Variants in RIN2 observed in about 807,000 individuals in gnomAD.
RIN2 encodes the protein Ras and Rab interactor 2.
RIN2 carries 36 observed loss-of-function variants against 78.0 expected under a neutral mutation model. That is an observed-to-expected ratio of 0.46 (90% CI 0.35 to 0.61). RIN2 has a LOEUF of 0.61. Ranked by LOEUF, RIN2 falls within the 20% of genes least tolerant of loss-of-function variation. The pLI is 0.00. For missense variants in RIN2, 1,087 were observed against 1,159.7 expected (o/e 0.94, Z 0.91); for synonymous variants, 466 against 466.8 (o/e 1.00, Z 0.02).
chr20:19,805,694 G>A (rs966119978), intron 2 of RIN2, among the ~76,000 whole-genome samples: 5 of 152,144 alleles, frequency 3.3e-5, no homozygotes, highest in African/African-American at 7.2e-5. Flanking sequence ...GAGCCACTGC[G>A]CCTGGCCCAA....
At chr20:19,930,186 G>T (rs2040388009) in intron 3 of RIN2, among the ~76,000 whole-genome samples, 1 of 152,188 alleles carries the variant, frequency 6.6e-6, no homozygotes, top group African/African-American at 2.4e-5. Context: ...CTCTGTGCTT[G>T]TCCACCCTCG....
chr20:19,814,389 C>T (rs1342020996), intron 2 of RIN2, among the ~76,000 whole-genome samples: 2 of 151,978 alleles, frequency 1.3e-5, no homozygotes. Flanking sequence ...ACCCCCTCCC[C>T]AGTGCTTCCA....
Position 19,975,818 on chromosome 20 carries a change from C to A in RIN2, c.1762+31C>A. The A allele has an allele frequency of 6.4e-7, 1 of 1,554,992 alleles. No homozygotes were observed. The highest frequency in any genetic ancestry group is 2.4e-5 in the East Asian group (1 of 41,576). On this transcript the variant is annotated intron_variant, in intron 9 of 12. Transcript: ENST00000255006. The surrounding 1 kb of genome is among the most constrained non-coding windows in gnomAD (Gnocchi z 4.9). ...TACCCTCTTTTTTAAAATATAAAAT[C>A]TATTGTAACTCTGTCCGGGCAGTGC...
chr20:19,967,847 G>T (rs573238009), intron 7 of RIN2, among the ~76,000 whole-genome samples: 1 of 152,228 alleles, frequency 6.6e-6, no homozygotes, highest in Non-Finnish European at 1.5e-5. Context: ...AATTTTAGGG[G>T]TCTTCTATAT....
At chr20:19,760,427 G>A (rs1328260510) in intron 1 of RIN2, among the ~76,000 whole-genome samples, 5 of 152,098 alleles carry the variant, frequency 3.3e-5, no homozygotes, top group African/African-American at 1.2e-4. Context: ...AGGGCAGGTG[G>A]GAGGGAGCTT....
At chr20:19,822,662 A>G (rs1328102045) in intron 2 of RIN2, among the ~76,000 whole-genome samples, 1 of 150,572 alleles carries the variant, frequency 6.6e-6, no homozygotes, top group East Asian at 1.9e-4. Flanking sequence ...ACACACACAC[A>G]CACACCCACA....
chr20:19,876,928 A>C (rs1465660078), intron 2 of RIN2, among the ~76,000 whole-genome samples: 1 of 151,812 alleles, frequency 6.6e-6, no homozygotes. Context: ...AAACAAACAA[A>C]CAAAAAAAAC....
intron 3 of RIN2, among the ~76,000 whole-genome samples, chr20:19,932,042 G>T (rs913311435): frequency 3.9e-5 from 6 of 152,174 alleles, no homozygotes; most frequent in Non-Finnish European, 2.9e-5. Flanking sequence ...TGTAAGAGGT[G>T]CCATGGTTTG....
At chr20:19,767,569 G>A (rs1245811223) in intron 1 of RIN2, among the ~76,000 whole-genome samples, 6 of 152,062 alleles carry the variant, frequency 3.9e-5, no homozygotes. Context: ...TGCTTCTGAG[G>A]CCCTCATTTT....
intron 2 of RIN2, among the ~76,000 whole-genome samples, chr20:19,882,851 C>T (rs1391527127): frequency 6.6e-6 from 1 of 151,744 alleles, no homozygotes. Context: ...GAAAAAAACG[C>T]ACAAGTTGTG....
chr20:19,891,930 T>C (rs1463624682), intron 3 of RIN2, among the ~76,000 whole-genome samples: 1 of 152,272 alleles, frequency 6.6e-6, no homozygotes, highest in Non-Finnish European at 1.5e-5. Flanking sequence ...ATCAAGTCCA[T>C]TGTAGCCAGT....
intron 8 of RIN2, among the ~76,000 whole-genome samples, chr20:19,972,829 TA>T (rs1330276718): frequency 1.3e-5 from 2 of 152,228 alleles, no homozygotes; most frequent in African/African-American, 4.8e-5. Flanking sequence ...CTGTCCTGGG[TA>T]ATAGAAACAT....
At chr20:19,811,663 G>A (rs2035604057) in intron 2 of RIN2, among the ~76,000 whole-genome samples, 1 of 152,170 alleles carries the variant, frequency 6.6e-6, no homozygotes, top group African/African-American at 2.4e-5. Flanking sequence ...TCTGAATGGA[G>A]AAATGAGATC....
chr20:19,885,963 C>T (rs924415001), intron 2 of RIN2, among the ~76,000 whole-genome samples: 9 of 110,374 alleles, frequency 8.2e-5, no homozygotes, highest in African/African-American at 1.4e-4. Context: ...AGGAGAGGAG[C>T]GGAGGGGATG....
At chr20:19,987,912 C>A (rs887400333) in intron 9 of RIN2, among the ~76,000 whole-genome samples, 7 of 152,078 alleles carry the variant, frequency 4.6e-5, no homozygotes, top group Non-Finnish European at 1.0e-4. Flanking sequence ...AAGAAAAAAA[C>A]AACTTGGGCT....
At chr20:19,937,090 C>T (rs1199285707) in intron 4 of RIN2, among the ~76,000 whole-genome samples, 2 of 152,230 alleles carry the variant, frequency 1.3e-5, no homozygotes, top group Non-Finnish European at 2.9e-5. Flanking sequence ...GAAAAAGCTA[C>T]ACAGTTTTGG....
At chr20:19,942,663 A>G (rs1427779472) in intron 4 of RIN2, among the ~76,000 whole-genome samples, 2 of 152,200 alleles carry the variant, frequency 1.3e-5, no homozygotes, top group African/African-American at 4.8e-5. Flanking sequence ...TTTAAATGGT[A>G]GATCATGCAT....
intron 2 of RIN2, among the ~76,000 whole-genome samples, chr20:19,843,586 T>A (rs1419112878): frequency 1.3e-5 from 2 of 152,046 alleles, no homozygotes; most frequent in Non-Finnish European, 2.9e-5. Flanking sequence ...TATAGTAGAG[T>A]CTAAACATAA....
intron 2 of RIN2, among the ~76,000 whole-genome samples, chr20:19,877,582 G>C (rs1369336975): frequency 6.6e-6 from 1 of 152,206 alleles, no homozygotes; most frequent in Non-Finnish European, 1.5e-5. Context: ...TTCAGAGCTA[G>C]AGAGAAATTA....
Sources: gnomAD v4.1 joint callset for allele counts (sites outside exome capture counted in the v4.1 genomes callset) on GRCh38, gnomAD v4.1.1 for gene constraint, Gnocchi (gnomAD v3.1) non-coding constraint, MANE v1.5 for transcripts, NCBI Gene and HGNC (gene_info 2026-07-23, HGNC 2026-07-21) for gene names.